Variants in DLGAP1 observed in about 807,000 individuals in gnomAD.
DLGAP1 encodes DLG associated protein 1, also known as disks large-associated protein 1.
A neutral mutation model predicts 90.8 loss-of-function variants in DLGAP1; 11 were observed. The observed-to-expected ratio is 0.12, with a 90% CI of 0.08 to 0.20. The LOEUF (loss-of-function observed/expected upper bound fraction) is 0.20. Ranked by LOEUF, DLGAP1 falls within the 10% of genes least tolerant of loss-of-function variation. The pLI, the probability that DLGAP1 is intolerant of heterozygous loss-of-function variation, is 1.00. For synonymous variants in DLGAP1, 558 were observed against 540.7 expected, an observed-to-expected ratio of 1.03 and a Z score of -0.44; for missense variants, 1,050 against 1,333.8, an observed-to-expected ratio of 0.79 and a Z score of 3.31.
At chr18:3,687,801 A>C (rs2060751313) in intron 7 of DLGAP1, among the ~76,000 whole-genome samples, 2 of 152,236 alleles carry the variant, frequency 1.3e-5, no homozygotes, top group African/African-American at 4.8e-5. Context: ...TAGAATGTAA[A>C]AAGGGCCGAA....
chr18:4,230,852 G>A (rs2078284514), intron 1 of DLGAP1, among the ~76,000 whole-genome samples: 1 of 151,516 alleles, frequency 6.6e-6, no homozygotes, highest in African/African-American at 2.4e-5. Flanking sequence ...ATTACTCATT[G>A]CATGCCTCTA....
At chr18:4,173,183 C>T (rs1030299217) in intron 1 of DLGAP1, among the ~76,000 whole-genome samples, 1 of 152,164 alleles carries the variant, frequency 6.6e-6, no homozygotes, top group Non-Finnish European at 1.5e-5. Context: ...GAGGATGAAA[C>T]ATTAGCTGAA....
chr18:4,220,290 T>A (rs533823986), intron 1 of DLGAP1, among the ~76,000 whole-genome samples: 3 of 151,984 alleles, frequency 2.0e-5, no homozygotes, highest in Non-Finnish European at 4.4e-5. Flanking sequence ...AAATCTCTCT[T>A]TCCTTCTTTT....
At chr18:4,013,323 C>T (rs2074461904) in intron 2 of DLGAP1, among the ~76,000 whole-genome samples, 1 of 152,170 alleles carries the variant, frequency 6.6e-6, no homozygotes, top group South Asian at 2.1e-4. Flanking sequence ...GATAAGGAAA[C>T]TGAGGCACAG....
At chr18:3,617,210 A>G (rs2145973051) in intron 7 of DLGAP1, among the ~76,000 whole-genome samples, 1 of 152,350 alleles carries the variant, frequency 6.6e-6, no homozygotes, top group East Asian at 1.9e-4. Context: ...AGAAAGAAAC[A>G]GAACATTTTC....
At chr18:3,928,552 T>A (rs1384743799) in intron 3 of DLGAP1, among the ~76,000 whole-genome samples, 2 of 152,238 alleles carry the variant, frequency 1.3e-5, no homozygotes, top group African/African-American at 4.8e-5. Flanking sequence ...GACCTTATTA[T>A]GTGCCAGGCA....
intron 1 of DLGAP1, among the ~76,000 whole-genome samples, chr18:4,440,477 T>G (rs12455001): frequency 0.35 from 52,604 of 152,008 alleles, 9,203 homozygotes; most frequent in East Asian, 0.46. Context: ...TAATTAATGC[T>G]TTACTATCGG....
intron 6 of DLGAP1, among the ~76,000 whole-genome samples, chr18:3,735,757 T>C (rs2062613218): frequency 6.6e-6 from 1 of 152,172 alleles, no homozygotes; most frequent in East Asian, 1.9e-4. Context: ...CGGTAACTAA[T>C]TATTCCATTG....
chr18:3,950,076 A>T (rs1447942801), intron 3 of DLGAP1, among the ~76,000 whole-genome samples: 1 of 152,202 alleles, frequency 6.6e-6, no homozygotes. Flanking sequence ...AAACATCTCC[A>T]TGTTCAAGAA....
At chr18:4,444,195 G>A (rs12604562) in intron 1 of DLGAP1, among the ~76,000 whole-genome samples, 25,880 of 151,384 alleles carry the variant, frequency 0.17, 2,515 homozygotes, top group East Asian at 0.31. Context: ...AAGGATCAGG[G>A]CATGACTGCT....
At chr18:4,148,856 C>G (rs1397238725) in intron 2 of DLGAP1, among the ~76,000 whole-genome samples, 1 of 152,216 alleles carries the variant, frequency 6.6e-6, no homozygotes, top group African/African-American at 2.4e-5. Flanking sequence ...ATATGATCTT[C>G]TAGGTCACAA....
chr18:4,185,911 TA>T, intron 1 of DLGAP1, among the ~76,000 whole-genome samples: 1 of 152,118 alleles, frequency 6.6e-6, no homozygotes, highest in Non-Finnish European at 1.5e-5. Context: ...AACAGTGTAT[TA>T]GCATTCCCTT....
In DLGAP1 at chr18:4,018,990, A is replaced by G. The variant is rs961823424; in HGVS notation, c.-158-13789T>C. Among the ~76,000 whole-genome samples, 15 of 152,362 alleles carry G rather than the reference A, an allele frequency of 9.8e-5. No individual in the cohort carries two copies. The Middle Eastern group carries it at 0.014, about 138-fold the overall frequency. On this transcript the variant is annotated intron_variant, in intron 2 of 12. Transcript: ENST00000315677. ...AAAAGGAAATAATTAGTCTGTGTGA[A>G]GCAGCTGAAAGAAGTGAAAAACATC... is the stretch of plus-strand genomic sequence containing the variant.
intron 1 of DLGAP1, among the ~76,000 whole-genome samples, chr18:4,298,128 C>T (rs2080029998): frequency 6.6e-6 from 1 of 152,104 alleles, no homozygotes; most frequent in Admixed American, 6.5e-5. Flanking sequence ...CCATGACCCT[C>T]ACCTATACCA....
chr18:4,360,982 A>G (rs1263285591), intron 1 of DLGAP1, among the ~76,000 whole-genome samples: 1 of 152,156 alleles, frequency 6.6e-6, no homozygotes, highest in Non-Finnish European at 1.5e-5. Flanking sequence ...GTTTATACTT[A>G]CCTATTAGTT....
At chr18:4,179,297 G>A (rs552248598) in intron 1 of DLGAP1, among the ~76,000 whole-genome samples, 1 of 152,128 alleles carries the variant, frequency 6.6e-6, no homozygotes, top group African/African-American at 2.4e-5. Flanking sequence ...CCTGCATTCT[G>A]CTAAATGACA....
chr18:4,358,797 G>C (rs1398389895), intron 1 of DLGAP1, among the ~76,000 whole-genome samples: 2 of 152,232 alleles, frequency 1.3e-5, no homozygotes, highest in East Asian at 3.9e-4. Context: ...AGCACCTGCT[G>C]TGCAGGTATT....
At chr18:4,357,908 G>A (rs1364941476) in intron 1 of DLGAP1, among the ~76,000 whole-genome samples, 1 of 152,216 alleles carries the variant, frequency 6.6e-6, no homozygotes, top group African/African-American at 2.4e-5. Context: ...GCTTCTCAAC[G>A]CAGAAAATCT....
intron 1 of DLGAP1, among the ~76,000 whole-genome samples, chr18:4,175,989 T>C (rs1366096908): frequency 6.6e-6 from 1 of 152,240 alleles, no homozygotes; most frequent in African/African-American, 2.4e-5. Flanking sequence ...TTGATTGTAA[T>C]AGTATTTAAT....
Sources: allele counts gnomAD v4.1 joint callset (sites outside exome capture counted in the v4.1 genomes callset), GRCh38; gene constraint gnomAD v4.1.1; transcripts MANE v1.5; gene names NCBI Gene and HGNC (gene_info 2026-07-23, HGNC 2026-07-21).